PPFIBP2: variants seen among roughly 807,000 people sequenced by gnomAD.
The protein encoded by PPFIBP2 is PPFIB scaffold protein 2.
PPFIBP2 carries 118 observed loss-of-function variants against 118.3 expected under a neutral mutation model. The observed-to-expected ratio is 1.00, with a 90% CI of 0.86 to 1.16. The LOEUF (loss-of-function observed/expected upper bound fraction) is 1.16, where lower values mean the gene tolerates loss of function less well. Among genes scored for constraint, PPFIBP2 ranks in the 50% most tolerant of loss-of-function variants. The pLI, the probability that PPFIBP2 is intolerant of heterozygous loss-of-function variation, is 0.00. For missense variants in PPFIBP2, 1,195 were observed against 1,073.1 expected (o/e 1.11, Z -1.59); for synonymous variants, 414 against 397.4 (o/e 1.04, Z -0.50).
intron 4 of PPFIBP2, among the ~76,000 whole-genome samples, chr11:7,596,453 C>T (rs1031961820): frequency 6.6e-6 from 1 of 151,242 alleles, no homozygotes; most frequent in African/African-American, 2.4e-5. Context: ...GTGTCAACTC[C>T]AGGAATATGT....
At chr11:7,619,049 A>G (rs1480579350) in intron 6 of PPFIBP2, among the ~76,000 whole-genome samples, 1 of 152,198 alleles carries the variant, frequency 6.6e-6, no homozygotes, top group Non-Finnish European at 1.5e-5. Flanking sequence ...CAGTTAAATA[A>G]TGACTTAAGT....
chr11:7,569,243 A>T (rs1855377951), intron 3 of PPFIBP2, among the ~76,000 whole-genome samples: 1 of 152,160 alleles, frequency 6.6e-6, no homozygotes, highest in Non-Finnish European at 1.5e-5. Context: ...GGCAGAGCTA[A>T]AGCACAGCTG....
intron 6 of PPFIBP2, among the ~76,000 whole-genome samples, chr11:7,617,976 G>T (rs970495562): frequency 4.6e-5 from 7 of 152,144 alleles, no homozygotes; most frequent in Non-Finnish European, 8.8e-5. Context: ...CTTCAGCAGA[G>T]ATAACCCTAT....
rs371754257 is a variant in PPFIBP2, at chr11:7,593,110, CT to C, written c.280-14del. Reference sequence around the variant, plus strand: ...GTTTTTCCAACCTTTTAAGTGTATTCTTTTTTTTCTGTCCTCTTTAGTCCCA... The same window carrying C: ...GTTTTTCCAACCTTTTAAGTGTATTCTTTTTTTCTGTCCTCTTTAGTCCCA... On this transcript the variant is annotated intron_variant, in intron 3 of 23. Transcript: ENST00000299492. The C allele has an allele frequency of 8.2e-3, 13,166 of 1,605,222 alleles. 85 individuals carry two copies. Among genetic ancestry groups the C allele is most frequent in the Non-Finnish European group, 9.7e-3 (11,454 of 1,177,492 alleles).
intron 4 of PPFIBP2, among the ~76,000 whole-genome samples, chr11:7,594,122 G>A (rs1859850272): frequency 6.6e-6 from 1 of 152,016 alleles, no homozygotes; most frequent in East Asian, 1.9e-4. Context: ...GTTATGAGGT[G>A]GCAGTGTGTT....
At chr11:7,578,828 C>T (rs1426421923) in intron 3 of PPFIBP2, among the ~76,000 whole-genome samples, 1 of 151,936 alleles carries the variant, frequency 6.6e-6, no homozygotes, top group Non-Finnish European at 1.5e-5. Flanking sequence ...GCAAATGGGG[C>T]ATAGGGGATG....
At chr11:7,636,769 T>C (rs548373210) in intron 14 of PPFIBP2, among the ~76,000 whole-genome samples, 2 of 152,336 alleles carry the variant, frequency 1.3e-5, no homozygotes, top group South Asian at 4.1e-4. Flanking sequence ...GATTAATTCT[T>C]ACATGGTTTT....
At chr11:7,610,246 A>C (rs920137997) in intron 5 of PPFIBP2, 45 bp from the exon 6 acceptor site, 27 of 1,596,368 alleles carry the variant, frequency 1.7e-5, no homozygotes, top group Non-Finnish European at 2.1e-5. Flanking sequence ...AGCTGTTCTT[A>C]TTGCCATAGT....
rs920549579 is a variant in PPFIBP2 at position 7,552,352 on chromosome 11, A to G, written c.64+2813A>G. Among the ~76,000 whole-genome samples the G allele has an allele frequency of 2.6e-5, 4 of 152,234 alleles. No homozygotes were observed. The South Asian group carries it at 8.3e-4, about 31-fold the overall frequency. ...ATAGATTAATGAGGGACTAAAAATAATCTTCATCATGTTGAATCTTTTCTG... is the reference window on the plus strand; with the variant it reads ...ATAGATTAATGAGGGACTAAAAATAGTCTTCATCATGTTGAATCTTTTCTG... On this transcript the variant is annotated intron_variant, in intron 2 of 23. Transcript: ENST00000299492.
At chr11:7,556,321 G>T (rs1281851578) in intron 2 of PPFIBP2, among the ~76,000 whole-genome samples, 1 of 152,142 alleles carries the variant, frequency 6.6e-6, no homozygotes, top group African/African-American at 2.4e-5. Flanking sequence ...CGGGTGTGGT[G>T]GCGGGCACTT....
At chr11:7,546,785 C>G (rs1333242531) in intron 1 of PPFIBP2, among the ~76,000 whole-genome samples, 1 of 152,210 alleles carries the variant, frequency 6.6e-6, no homozygotes, top group Non-Finnish European at 1.5e-5. Context: ...GAACAGCATT[C>G]TCCTCCTCAT....
At chr11:7,665,809 G>C in the PPFIBP2 span, 2 of 1,514,314 alleles carry the variant, frequency 1.3e-6, no homozygotes, top group Non-Finnish European at 1.8e-6. Context: ...CGAGGAAGGA[G>C]AACACAACGA....
intron 2 of PPFIBP2, among the ~76,000 whole-genome samples, chr11:7,554,519 A>C (rs1191694518): frequency 1.3e-5 from 2 of 152,164 alleles, no homozygotes; most frequent in Non-Finnish European, 2.9e-5. Flanking sequence ...ATCAACTAAA[A>C]CAGTGCAAAC....
rs769144293 is a variant in PPFIBP2 at position 7,528,167 on chromosome 11, G to T, written c.-37+14046G>T. ...TTTACAGTGAAGACCTGTTCTTACC[G>T]TATTTAGGCAGGAAGATGGTCAGAT... On this transcript the variant is annotated intron_variant, in intron 1 of 23. Transcript: ENST00000299492. Among the ~76,000 whole-genome samples, 5 of 152,268 alleles carry T rather than the reference G, an allele frequency of 3.3e-5. No homozygotes were observed. The South Asian group carries it at 6.2e-4, about 19-fold the overall frequency.
chr11:7,665,427 G>A, the PPFIBP2 span: 1 of 1,611,812 alleles, frequency 6.2e-7, no homozygotes, highest in East Asian at 2.2e-5. Flanking sequence ...AGGTTAGGGT[G>A]AGCCGCCGTC....
In PPFIBP2 at chr11:7,572,922, G is replaced by A. The variant is rs1009495398; in HGVS notation, c.279+7155G>A. Among the ~76,000 whole-genome samples the A allele has an allele frequency of 5.9e-5, 9 of 152,294 alleles. No individual in the cohort carries two copies. The East Asian group carries it at 1.7e-3, about 29-fold the overall frequency. The stretch of plus-strand genomic sequence containing the variant: ...AGCCTCCCGATTAGCTGGGATTGCA[G>A]TTGTGCACCACCACACCCGGCTAAT... On this transcript the variant is annotated intron_variant, in intron 3 of 23. Coordinates refer to ENST00000299492, the MANE Select transcript of PPFIBP2 (RefSeq NM_003621.5).
intron 5 of PPFIBP2, among the ~76,000 whole-genome samples, chr11:7,607,890 CA>C (rs1183640899): frequency 6.6e-6 from 1 of 152,096 alleles, no homozygotes; most frequent in African/African-American, 2.4e-5. Flanking sequence ...ATCTATTTTG[CA>C]AACTGCCTAA....
downstream of PPFIBP2, among the ~76,000 whole-genome samples, chr11:7,662,114 G>C (rs1854901857): frequency 6.7e-6 from 1 of 149,356 alleles, no homozygotes; most frequent in Non-Finnish European, 1.5e-5. Context: ...TTGCCAGTCT[G>C]TGTCTTTTAA....
intron 1 of PPFIBP2, among the ~76,000 whole-genome samples, chr11:7,541,160 G>A (rs747996398): frequency 2.6e-5 from 4 of 152,172 alleles, no homozygotes; most frequent in Non-Finnish European, 4.4e-5. Flanking sequence ...AGAATCACCC[G>A]AATGGCTAGA....
Sources: gnomAD v4.1 joint callset for allele counts (sites outside exome capture counted in the v4.1 genomes callset) on GRCh38, gnomAD v4.1.1 for gene constraint, MANE v1.5 for transcripts, NCBI Gene and HGNC (gene_info 2026-07-23, HGNC 2026-07-21) for gene names.